Variants in CEP112 observed in about 807,000 individuals in gnomAD.
CEP112 encodes centrosomal protein 112.
Under a neutral mutation model 153.0 loss-of-function variants are expected in CEP112, and 127 were observed. The ratio of observed to expected loss-of-function variants is 0.83; its 90% CI spans 0.72 to 0.96. The LOEUF is 0.96. Among genes scored for constraint, CEP112 ranks in the 40% least tolerant of loss-of-function variants. The pLI is 0.00. For missense variants in CEP112, 1,089 were observed against 1,101.2 expected (o/e 0.99, Z 0.16); for synonymous variants, 358 against 374.4 (o/e 0.96, Z 0.51).
chr17:65,957,479 T>A (rs2062041358), intron 18 of CEP112, among the ~76,000 whole-genome samples: 1 of 152,194 alleles, frequency 6.6e-6, no homozygotes, highest in African/African-American at 2.4e-5. Flanking sequence ...TTGACTTGTA[T>A]TGATTTAATT....
chr17:65,999,239 C>G (rs1310375669), intron 17 of CEP112, among the ~76,000 whole-genome samples: 3 of 148,250 alleles, frequency 2.0e-5, no homozygotes, highest in African/African-American at 7.4e-5. Flanking sequence ...CTCTTTCACT[C>G]CAGCCTGGGC....
chr17:65,686,864 GT>G (rs34909403), intron 24 of CEP112, among the ~76,000 whole-genome samples: 8 of 150,616 alleles, frequency 5.3e-5, no homozygotes, highest in Non-Finnish European at 1.0e-4. Flanking sequence ...TTGCTATCCA[GT>G]TTTTTTTTTA....
intron 4 of CEP112, among the ~76,000 whole-genome samples, chr17:66,168,657 G>C (rs2072106495): frequency 6.6e-6 from 1 of 152,000 alleles, no homozygotes; most frequent in Admixed American, 6.6e-5. Flanking sequence ...AACAGATGCA[G>C]GCATATAATA....
intron 21 of CEP112, among the ~76,000 whole-genome samples, chr17:65,757,787 A>C (rs535730245): frequency 6.6e-6 from 1 of 152,338 alleles, no homozygotes; most frequent in South Asian, 2.1e-4. Context: ...TGGCTAACTT[A>C]TCAGGCAAAC....
rs532590462 is a variant in CEP112, at chr17:65,965,520, T to C, written c.1737-3922A>G. Among the ~76,000 whole-genome samples the C allele has an allele frequency of 8.0e-4, 99 of 123,592 alleles. 2 individuals are homozygous for C. Among genetic ancestry groups the C allele is most frequent in the Middle Eastern group, 7.8e-3 (2 of 256 alleles). The allele number at this position is 123,592 out of a possible 152,430, so 81.1% of individuals were successfully genotyped here. A position where few individuals can be genotyped will look rare whatever the true frequency, so the allele number is the denominator to read the frequency against. On this transcript the variant is annotated intron_variant, in intron 17 of 26. Coordinates refer to ENST00000535342, the MANE Select transcript of CEP112 (RefSeq NM_001199165.4). ...AATATTTAGAAACCTTCTGCCCCCT[T>C]TTTTTTTTTTTTTTTTCTTTGAGAC...
intron 8 of CEP112, among the ~76,000 whole-genome samples, chr17:66,082,749 C>T (rs531144665): frequency 2.0e-5 from 3 of 149,180 alleles, no homozygotes; most frequent in Admixed American, 6.7e-5. Context: ...GGCGACAGAG[C>T]GAGACTCTGT....
intron 19 of CEP112, among the ~76,000 whole-genome samples, chr17:65,917,741 G>C (rs922108034): frequency 2.6e-5 from 4 of 151,814 alleles, no homozygotes; most frequent in Admixed American, 1.3e-4. Context: ...CATCATCCAA[G>C]GCCAGCAGCT....
intron 12 of CEP112, among the ~76,000 whole-genome samples, chr17:66,038,695 A>G (rs988108577): frequency 1.3e-5 from 2 of 152,236 alleles, no homozygotes. Context: ...ACAGAAAATG[A>G]TGAACAGATT....
At chr17:65,639,728 T>C (rs2044994286) in intron 25 of CEP112, among the ~76,000 whole-genome samples, 1 of 151,098 alleles carries the variant, frequency 6.6e-6, no homozygotes, top group Non-Finnish European at 1.5e-5. Context: ...GATGTGAATA[T>C]GTAAACTCTT....
chr17:65,821,514 T>TTTTATATATA (rs1280212227), intron 21 of CEP112, among the ~76,000 whole-genome samples: 1 of 50,170 alleles, frequency 2.0e-5, no homozygotes, highest in Non-Finnish European at 3.4e-5. Flanking sequence ...ATATATATAA[T>TTTTATATATA]TATATATATA....
chr17:65,876,098 A>G (rs527282910), intron 20 of CEP112, among the ~76,000 whole-genome samples: 88 of 152,200 alleles, frequency 5.8e-4, no homozygotes, highest in African/African-American at 2.1e-3. Flanking sequence ...TTCTGTTCCA[A>G]TCTGGACTGG....
intron 12 of CEP112, 45 bp downstream of exon 12, chr17:66,053,691 G>C: frequency 6.3e-7 from 1 of 1,574,912 alleles, no homozygotes; most frequent in Non-Finnish European, 8.7e-7. Flanking sequence ...CATGGAAATT[G>C]AGAAGACAGG....
At position 66,056,462 on chromosome 17, in the gene CEP112, T is replaced by A. The variant is rs59594106; in HGVS notation, c.1075-2583A>T. Among the ~76,000 whole-genome samples, 224 of 152,280 alleles carry A rather than the reference T, an allele frequency of 1.5e-3. 1 individual carries two copies. The highest frequency in any genetic ancestry group is 2.7e-3 in the Non-Finnish European group (183 of 68,026). Reference sequence around the variant, plus strand: ...GTTCACAGCAACATTATTCACGATATCCAAAAAGTGGAGTCAACTCAAATG... The same window carrying A: ...GTTCACAGCAACATTATTCACGATAACCAAAAAGTGGAGTCAACTCAAATG... On this transcript the variant is annotated intron_variant, in intron 11 of 26. Transcript: ENST00000535342.
At chr17:65,665,736 T>A (rs2046659717) in intron 24 of CEP112, among the ~76,000 whole-genome samples, 1 of 152,234 alleles carries the variant, frequency 6.6e-6, no homozygotes, top group Non-Finnish European at 1.5e-5. Flanking sequence ...TCAGTTGACA[T>A]GAAGCAACAT....
intron 21 of CEP112, among the ~76,000 whole-genome samples, chr17:65,762,813 A>C (rs115118804): frequency 2.2e-3 from 329 of 152,134 alleles, no homozygotes; most frequent in African/African-American, 7.5e-3. Flanking sequence ...ATATATATGA[A>C]TATTGTTGCT....
chr17:65,754,089 G>A (rs2052060112), intron 21 of CEP112, among the ~76,000 whole-genome samples: 1 of 152,184 alleles, frequency 6.6e-6, no homozygotes. Flanking sequence ...CATGGTGCAA[G>A]GCCTATGGAG....
chr17:65,673,331 C>T (rs559121302), intron 24 of CEP112, among the ~76,000 whole-genome samples: 5 of 152,288 alleles, frequency 3.3e-5, no homozygotes, highest in South Asian at 2.1e-4. Flanking sequence ...CTAGCCCCCC[C>T]GCCCTCTTTT....
intron 20 of CEP112, among the ~76,000 whole-genome samples, chr17:65,884,839 T>A (rs2059218796): frequency 6.6e-6 from 1 of 150,480 alleles, no homozygotes. Context: ...TGCCTCAGCC[T>A]CCTGAGTAGC....
chr17:65,972,082 C>A (rs571457095), intron 17 of CEP112, among the ~76,000 whole-genome samples: 6 of 152,160 alleles, frequency 3.9e-5, no homozygotes, highest in Non-Finnish European at 8.8e-5. Context: ...ACTATTCCAC[C>A]CAATCAAAGA....
Sources: gnomAD v4.1 joint callset for allele counts (sites outside exome capture counted in the v4.1 genomes callset) on GRCh38, gnomAD v4.1.1 for gene constraint, MANE v1.5 for transcripts, NCBI Gene and HGNC (gene_info 2026-07-23, HGNC 2026-07-21) for gene names.